OPA3: variants seen among roughly 807,000 people sequenced by gnomAD.
OPA3 encodes outer mitochondrial membrane lipid metabolism regulator OPA3.
In OPA3, 6 loss-of-function variants were observed where a neutral mutation model predicts 4.0. The ratio of observed to expected loss-of-function variants is 1.51; its 90% CI spans 0.83 to 2.99. The LOEUF is 2.99. Ranked by LOEUF, OPA3 falls within the 30% of genes most tolerant of loss-of-function variation. OPA3 has a pLI of 0.00. For synonymous variants in OPA3, 105 were observed against 117.1 expected (o/e 0.90, Z 0.67); for missense variants, 235 against 256.2 (o/e 0.92, Z 0.56).
At chr19:45,583,577 C>T (rs1477042180) in intron 1 of OPA3, among the ~76,000 whole-genome samples, 3 of 152,212 alleles carry the variant, frequency 2.0e-5, no homozygotes, top group Non-Finnish European at 2.9e-5. Context: ...TCTAGGCTCA[C>T]TGCAGCCTCC....
chr19:45,528,728 A>C (rs1487527885), exon 2 of OPA3: 2 of 295,750 alleles, frequency 6.8e-6, no homozygotes, highest in Non-Finnish European at 1.2e-5. Flanking sequence ...CTGCTGGCCT[A>C]CCTAGCGGTA....
At position 45,553,635 on chromosome 19, in the gene OPA3, A is replaced by C. The variant is rs1599964215; in HGVS notation, c.419T>G (p.Val140Gly). The change falls in exon 2 of 2, where the codon GTG becomes GGG. Residue 140 changes from valine (V) to glycine (G), a missense_variant. Transcript: ENST00000263275. The stretch of plus-strand genomic sequence containing the variant: ...GGCGCCCTGTGGCGGCGCCGCCTGC[A>C]CCTGCGCCTGCAGCGCTTCCAGCGC... ...ALALEALQAQ[V>G]QAAPPQGALE... The C allele has an allele frequency of 6.2e-7, 1 of 1,606,116 alleles. No homozygotes were observed.
At chr19:45,527,899 A>G (rs1969010822) in exon 2 of OPA3, 1 of 152,244 alleles carries the variant, frequency 6.6e-6, no homozygotes, top group Admixed American at 6.5e-5. Context: ...GCCTGGTGGA[A>G]TACCCCGCTT....
rs1383559726 is a variant in OPA3, at chr19:45,580,273, C to T, written c.142+4350G>A. Among the ~76,000 whole-genome samples, 12 of 146,838 alleles carry T rather than the reference C, an allele frequency of 8.2e-5. No individual in the cohort carries two copies. In the East Asian group the frequency reaches 1.0e-3, roughly 12 times the overall value. ...CCTCCCAAAGTGTTGGGATTACAGGCGCGAGCCACTGCACCCGGCCTTTTT... is the reference window on the plus strand; with the variant it reads ...CCTCCCAAAGTGTTGGGATTACAGGTGCGAGCCACTGCACCCGGCCTTTTT... On this transcript the variant is annotated intron_variant, in intron 1 of 1. Coordinates refer to ENST00000263275, the MANE Select transcript of OPA3 (RefSeq NM_025136.4).
In OPA3 at chr19:45,552,042, TTC is replaced by T; in HGVS notation, c.*1470_*1471del. 6.1e-6 allele frequency: 6 copies of T among 985,462 alleles called. No homozygotes were observed. In the South Asian group the frequency reaches 2.8e-4, roughly 46 times the overall value. 61.0% of individuals were successfully genotyped at this position (985,462 alleles called of 1,614,324 possible). ...GGATTAGCCCTAGTTAGGATCAAAT[TTC>T]CCACCACGGAAAGGGGGGTTGGAGG... On this transcript the variant is annotated 3_prime_UTR_variant, in exon 2 of 2. Transcript: ENST00000263275.
chr19:45,578,687 C>T (rs1431828773), intron 1 of OPA3, among the ~76,000 whole-genome samples: 3 of 151,950 alleles, frequency 2.0e-5, no homozygotes, highest in Non-Finnish European at 2.9e-5. Flanking sequence ...ATTAGCCGGG[C>T]GTGGTGGCGC....
chr19:45,582,172 T>A (rs556688680), intron 1 of OPA3, among the ~76,000 whole-genome samples: 174 of 151,810 alleles, frequency 1.1e-3, no homozygotes, highest in African/African-American at 3.4e-3. Flanking sequence ...TTTTATTTTT[T>A]TTTTTTGAGA....
At chr19:45,577,861 G>A (rs1969791898) in intron 1 of OPA3, among the ~76,000 whole-genome samples, 1 of 152,140 alleles carries the variant, frequency 6.6e-6, no homozygotes, top group African/African-American at 2.4e-5. Flanking sequence ...TCAATCAGAG[G>A]ACTGGCTCCA....
At chr19:45,563,614 A>G (rs1251667567) in intron 1 of OPA3, among the ~76,000 whole-genome samples, 1 of 151,980 alleles carries the variant, frequency 6.6e-6, no homozygotes, top group Non-Finnish European at 1.5e-5. Flanking sequence ...GAAGTACAGT[A>G]GCAGGATCAT....
At chr19:45,556,279 G>A (rs1969419714) in intron 1 of OPA3, among the ~76,000 whole-genome samples, 1 of 152,080 alleles carries the variant, frequency 6.6e-6, no homozygotes, top group African/African-American at 2.4e-5. Context: ...GAGTAGCTAG[G>A]ACAACAGGTG....
chr19:45,540,459 G>A (rs1242092800), intron 1 of OPA3, among the ~76,000 whole-genome samples: 3 of 152,002 alleles, frequency 2.0e-5, no homozygotes, highest in South Asian at 4.2e-4. Flanking sequence ...TACTTGGGGG[G>A]TTGAAGTGGG....
chr19:45,581,800 T>C (rs1274240818), intron 1 of OPA3, among the ~76,000 whole-genome samples: 1 of 152,120 alleles, frequency 6.6e-6, no homozygotes, highest in African/African-American at 2.4e-5. Flanking sequence ...GAGGGTGTTT[T>C]GTTTGTTTGT....
Position 45,550,322 on chromosome 19 carries a change from GC to G in OPA3, c.*3191del. On this transcript the variant is annotated 3_prime_UTR_variant, in exon 2 of 2. Coordinates refer to ENST00000263275, the MANE Select transcript of OPA3 (RefSeq NM_025136.4). Reference sequence around the variant, plus strand: ...AAGCCCGGCCCTCCCACTTTCACCTGCAGCTTCCCAAAAGCGGGCCCAGGTG... The same window carrying G: ...AAGCCCGGCCCTCCCACTTTCACCTGAGCTTCCCAAAAGCGGGCCCAGGTG... 1 of 985,492 alleles carries G rather than the reference GC, an allele frequency of 1.0e-6. No individual in the cohort carries two copies. Among genetic ancestry groups the G allele is most frequent in the Non-Finnish European group, 1.2e-6 (1 of 830,018 alleles). 61.0% of individuals were successfully genotyped at this position (985,492 alleles called of 1,614,324 possible).
chr19:45,581,406 C>T (rs967458442), intron 1 of OPA3, among the ~76,000 whole-genome samples: 1 of 152,158 alleles, frequency 6.6e-6, no homozygotes, highest in African/African-American at 2.4e-5. Context: ...GTTGTCCTCA[C>T]CCTTCAGGTC....
exon 2 of OPA3, chr19:45,528,885 G>A: frequency 2.7e-6 from 2 of 729,718 alleles, no homozygotes; most frequent in Non-Finnish European, 4.5e-6. Context: ...CCACTGGGCA[G>A]GTTAGTAGGG....
chr19:45,582,088 C>T (rs1969863586), intron 1 of OPA3, among the ~76,000 whole-genome samples: 1 of 151,884 alleles, frequency 6.6e-6, no homozygotes, highest in East Asian at 1.9e-4. Context: ...TGAGCCACCG[C>T]GCCCCAGCCA....
At chr19:45,572,122 GAT>G (rs10664580) in intron 1 of OPA3, among the ~76,000 whole-genome samples, 203 of 140,772 alleles carry the variant, frequency 1.4e-3, no homozygotes, top group African/African-American at 4.5e-3. Context: ...AATATATATT[GAT>G]ATATATATAT....
downstream of OPA3, among the ~76,000 whole-genome samples, chr19:45,546,006 GCTTTT>G (rs1969244527): frequency 6.6e-6 from 1 of 151,980 alleles, no homozygotes; most frequent in Non-Finnish European, 1.5e-5. Flanking sequence ...GACAGGCCAT[GCTTTT>G]CTTTAAGAAA....
chr19:45,563,008 G>A (rs1044441175), intron 1 of OPA3, among the ~76,000 whole-genome samples: 2 of 152,142 alleles, frequency 1.3e-5, no homozygotes, highest in African/African-American at 4.8e-5. Flanking sequence ...GTGAGGAAAT[G>A]GACCTTCTCA....
Sources: allele counts gnomAD v4.1 joint callset (sites outside exome capture counted in the v4.1 genomes callset), GRCh38; gene constraint gnomAD v4.1.1; transcripts MANE v1.5; gene names NCBI Gene and HGNC (gene_info 2026-07-23, HGNC 2026-07-21).